Variants in C8orf34 observed in about 807,000 individuals in gnomAD.
C8orf34 encodes uncharacterized protein C8orf34.
C8orf34 carries 65 observed loss-of-function variants against 68.3 expected under a neutral mutation model. That is an observed-to-expected ratio of 0.95 (90% CI 0.78 to 1.17). C8orf34 has a LOEUF of 1.17. Ranked by LOEUF, C8orf34 falls within the 50% of genes most tolerant of loss-of-function variation. The probability of loss-of-function intolerance (pLI) is 0.00; values close to 1 mark genes in which losing one functional copy is unlikely to be tolerated. For synonymous variants in C8orf34, 244 were observed against 241.2 expected (o/e 1.01, Z -0.11); for missense variants, 664 against 655.4 (o/e 1.01, Z -0.14).
At chr8:68,710,840 T>G (rs866824040) in intron 9 of C8orf34, among the ~76,000 whole-genome samples, 1 of 152,088 alleles carries the variant, frequency 6.6e-6, no homozygotes, top group Admixed American at 6.6e-5. Flanking sequence ...AGCACTACTT[T>G]CTGGCTGGAG....
intron 7 of C8orf34, among the ~76,000 whole-genome samples, chr8:68,638,637 TA>T (rs1818916058): frequency 6.6e-6 from 1 of 152,086 alleles, no homozygotes; most frequent in Non-Finnish European, 1.5e-5. Context: ...CAAAGTCATG[TA>T]TTTTTTTTTA....
chr8:68,793,130 A>C (rs1824061195), intron 12 of C8orf34, among the ~76,000 whole-genome samples: 1 of 152,204 alleles, frequency 6.6e-6, no homozygotes, highest in Admixed American at 6.5e-5. Flanking sequence ...AAGCATAACA[A>C]ACTCTATTTA....
chr8:68,444,507 T>C (rs1811041593), intron 2 of C8orf34, among the ~76,000 whole-genome samples: 1 of 152,154 alleles, frequency 6.6e-6, no homozygotes, highest in Non-Finnish European at 1.5e-5. Context: ...TTATTCAAAC[T>C]TCAATGAGGA....
intron 8 of C8orf34, among the ~76,000 whole-genome samples, chr8:68,655,998 A>G (rs536078848): frequency 9.2e-5 from 14 of 152,314 alleles, no homozygotes; most frequent in African/African-American, 3.1e-4. Flanking sequence ...TTGGACCTTA[A>G]AAATTCTAGC....
intron 1 of C8orf34, among the ~76,000 whole-genome samples, chr8:68,378,142 G>A (rs992808894): frequency 1.3e-5 from 2 of 151,976 alleles, no homozygotes; most frequent in Non-Finnish European, 2.9e-5. Context: ...AAACTCACTT[G>A]GAATCATATT....
At chr8:68,588,830 T>A (rs529404540) in intron 7 of C8orf34, among the ~76,000 whole-genome samples, 1 of 152,258 alleles carries the variant, frequency 6.6e-6, no homozygotes, top group South Asian at 2.1e-4. Context: ...AACAATGGGC[T>A]AGGTCAGAAG....
At chr8:68,744,066 G>T (rs928973563) in intron 10 of C8orf34, among the ~76,000 whole-genome samples, 2 of 152,098 alleles carry the variant, frequency 1.3e-5, no homozygotes, top group African/African-American at 2.4e-5. Context: ...CCTCAAGTGG[G>T]TCCCTGACCC....
intron 5 of C8orf34, among the ~76,000 whole-genome samples, chr8:68,502,143 G>A (rs7840583): frequency 6.6e-6 from 1 of 152,078 alleles, no homozygotes; most frequent in Non-Finnish European, 1.5e-5. Context: ...TCAGCTCACT[G>A]TAACCTCCGC....
At chr8:68,693,856 A>T (rs971396145) in intron 8 of C8orf34, among the ~76,000 whole-genome samples, 9 of 152,018 alleles carry the variant, frequency 5.9e-5, no homozygotes, top group Non-Finnish European at 1.2e-4. Context: ...TAAGCCCTGG[A>T]TGTGTTGCAG....
chr8:68,493,651 A>T (rs898737940), intron 5 of C8orf34, among the ~76,000 whole-genome samples: 1 of 152,186 alleles, frequency 6.6e-6, no homozygotes, highest in Admixed American at 6.5e-5. Flanking sequence ...TCATATTGAC[A>T]TGTAATCCCC....
chr8:68,663,751 A>C (rs1451641621), intron 8 of C8orf34, among the ~76,000 whole-genome samples: 1 of 152,146 alleles, frequency 6.6e-6, no homozygotes, highest in African/African-American at 2.4e-5. Context: ...GTTCAGCATA[A>C]ATGAAAGATT....
At chr8:68,408,629 C>T (rs930023738) in intron 1 of C8orf34, among the ~76,000 whole-genome samples, 4 of 152,106 alleles carry the variant, frequency 2.6e-5, no homozygotes, top group Non-Finnish European at 5.9e-5. Flanking sequence ...CACATAGTGA[C>T]GTTTCAGTCA....
chr8:68,651,769 G>A (rs538684362), intron 8 of C8orf34, among the ~76,000 whole-genome samples: 2 of 152,236 alleles, frequency 1.3e-5, no homozygotes, highest in South Asian at 4.1e-4. Context: ...GGTTTGGCGA[G>A]GGTGAGGGAT....
At chr8:68,359,569 G>T (rs1165555091) in intron 1 of C8orf34, among the ~76,000 whole-genome samples, 2 of 152,176 alleles carry the variant, frequency 1.3e-5, no homozygotes, top group African/African-American at 2.4e-5. Context: ...CAGGTGAGTT[G>T]AGACAGTGCC....
intron 7 of C8orf34, among the ~76,000 whole-genome samples, chr8:68,636,868 CA>C (rs758618895): frequency 1.2e-4 from 18 of 152,256 alleles, no homozygotes; most frequent in Non-Finnish European, 2.1e-4. Context: ...GTGATAAAAA[CA>C]AAAACAATTT....
chr8:68,778,668 T>C (rs981963431), intron 11 of C8orf34, among the ~76,000 whole-genome samples: 5 of 152,198 alleles, frequency 3.3e-5, no homozygotes, highest in African/African-American at 1.2e-4. Flanking sequence ...TCAAAATAGC[T>C]CTGATAGTTA....
intron 3 of C8orf34, chr8:68,447,860 T>C (rs545086245): frequency 6.6e-6 from 1 of 152,326 alleles, no homozygotes; most frequent in African/African-American, 2.4e-5. Context: ...GTTTGGTATA[T>C]AGAATTAGGT....
intron 1 of C8orf34, among the ~76,000 whole-genome samples, chr8:68,376,246 G>A (rs997070588): frequency 2.8e-5 from 4 of 141,810 alleles, no homozygotes; most frequent in African/African-American, 1.1e-4. Flanking sequence ...GTATTGAGAA[G>A]AGAAAGAAAA....
intron 8 of C8orf34, among the ~76,000 whole-genome samples, chr8:68,666,905 C>T (rs1819860073): frequency 6.6e-6 from 1 of 152,112 alleles, no homozygotes; most frequent in Non-Finnish European, 1.5e-5. Flanking sequence ...TTCTTATCAT[C>T]TTGCATATAA....
Sources: allele counts gnomAD v4.1 joint callset (sites outside exome capture counted in the v4.1 genomes callset), GRCh38; gene constraint gnomAD v4.1.1; transcripts MANE v1.5; gene names NCBI Gene and HGNC (gene_info 2026-07-23, HGNC 2026-07-21).